The following MCC variants were observed in gnomAD, a reference collection of about 807,000 sequenced individuals.
MCC encodes the protein MCC regulator of Wnt signaling pathway.
In MCC, 90 loss-of-function variants were observed where a neutral mutation model predicts 116.2. The observed-to-expected ratio is 0.77, with a 90% CI of 0.65 to 0.92. The LOEUF (loss-of-function observed/expected upper bound fraction) is 0.92. Among genes scored for constraint, MCC ranks in the 40% least tolerant of loss-of-function variants. The pLI is 0.00. For missense variants in MCC, 1,516 were observed against 1,312.2 expected (o/e 1.16, Z -2.40); for synonymous variants, 578 against 510.5 (o/e 1.13, Z -1.78).
chr5:113,166,232 T>C (rs896505740), intron 3 of MCC, among the ~76,000 whole-genome samples: 3 of 152,178 alleles, frequency 2.0e-5, no homozygotes, highest in African/African-American at 2.4e-5. Flanking sequence ...TTAGGAATGA[T>C]ACATTTCCAA....
intron 3 of MCC, among the ~76,000 whole-genome samples, chr5:113,321,286 CT>C (rs1051266270): frequency 9.2e-5 from 14 of 151,602 alleles, no homozygotes; most frequent in East Asian, 7.7e-4. Flanking sequence ...AATAGGAAAA[CT>C]TTTTTTTTAA....
At chr5:113,411,864 G>A (rs1480258695) in intron 1 of MCC, among the ~76,000 whole-genome samples, 3 of 152,054 alleles carry the variant, frequency 2.0e-5, no homozygotes, top group Admixed American at 6.6e-5. Context: ...TGTCCTGAAT[G>A]GTATTCCCTG....
intron 1 of MCC, among the ~76,000 whole-genome samples, chr5:113,423,887 T>C (rs906777631): frequency 6.6e-6 from 1 of 152,136 alleles, no homozygotes; most frequent in Non-Finnish European, 1.5e-5. Flanking sequence ...AATTGGGGAA[T>C]TCAGGCGAAG....
chr5:113,219,360 G>A (rs1162299589), intron 3 of MCC, among the ~76,000 whole-genome samples: 1 of 152,180 alleles, frequency 6.6e-6, no homozygotes, highest in African/African-American at 2.4e-5. Flanking sequence ...GAACTCCTGT[G>A]AGGACTTCCA....
At chr5:113,156,409 A>C (rs1760172947) in intron 3 of MCC, among the ~76,000 whole-genome samples, 1 of 152,204 alleles carries the variant, frequency 6.6e-6, no homozygotes, top group South Asian at 2.1e-4. Flanking sequence ...GCACTCAACA[A>C]ACGGGTTTGT....
chr5:113,062,857 G>A (rs1753317495), intron 14 of MCC, among the ~76,000 whole-genome samples: 1 of 152,160 alleles, frequency 6.6e-6, no homozygotes, highest in African/African-American at 2.4e-5. Context: ...TCCCACCAGG[G>A]GAGAAAGAGA....
At chr5:113,052,274 T>A (rs1278839016) in intron 15 of MCC, among the ~76,000 whole-genome samples, 1 of 152,148 alleles carries the variant, frequency 6.6e-6, no homozygotes, top group Non-Finnish European at 1.5e-5. Context: ...GCCTCATAGC[T>A]CGTGCCACAG....
chr5:113,036,908 T>C (rs1468966556), intron 17 of MCC, among the ~76,000 whole-genome samples: 1 of 152,242 alleles, frequency 6.6e-6, no homozygotes, highest in African/African-American at 2.4e-5. Context: ...ATTTGCGTGC[T>C]AATGAAGCCA....
Position 113,085,144 on chromosome 5 carries a change from G to A in MCC, c.1545+20C>T. ...AACAGGAGGTGTTCCCGCTCATCGG[G>A]TCCATCCCCAGGAACTCACCTTGGC... On this transcript the variant is annotated intron_variant, in intron 9 of 18. Transcript: ENST00000408903. The A allele has an allele frequency of 1.2e-6, 2 of 1,613,976 alleles. No individual in the cohort carries two copies. Among genetic ancestry groups the A allele is most frequent in the Non-Finnish European group, 8.5e-7 (1 of 1,180,000 alleles).
At chr5:113,237,234 T>A (rs1318869255) in intron 3 of MCC, among the ~76,000 whole-genome samples, 1 of 152,230 alleles carries the variant, frequency 6.6e-6, no homozygotes, top group African/African-American at 2.4e-5. Flanking sequence ...ATAAATATAC[T>A]ACTGAGATCA....
intron 3 of MCC, among the ~76,000 whole-genome samples, chr5:113,338,147 G>T (rs1209211670): frequency 6.6e-6 from 1 of 152,192 alleles, no homozygotes; most frequent in Non-Finnish European, 1.5e-5. Flanking sequence ...TTTTCCATTT[G>T]GTGAGGAAAT....
chr5:113,237,315 T>C (rs951449468), intron 3 of MCC, among the ~76,000 whole-genome samples: 1 of 152,226 alleles, frequency 6.6e-6, no homozygotes, highest in African/African-American at 2.4e-5. Flanking sequence ...TGCTTAAAGC[T>C]AATACCACAA....
intron 14 of MCC, among the ~76,000 whole-genome samples, chr5:113,055,627 T>G (rs1752781902): frequency 6.6e-6 from 1 of 152,148 alleles, no homozygotes; most frequent in Non-Finnish European, 1.5e-5. Flanking sequence ...TCAGGACGGG[T>G]GGGAAGTCCC....
At chr5:113,040,407 A>G (rs528940775) in intron 17 of MCC, among the ~76,000 whole-genome samples, 12 of 152,142 alleles carry the variant, frequency 7.9e-5, no homozygotes, top group African/African-American at 2.9e-4. Context: ...CTCTTCCCTT[A>G]GCGACACCTG....
At chr5:113,064,312 C>T in intron 13 of MCC, 145 bp from the exon 14 acceptor site, 1 of 707,610 alleles carries the variant, frequency 1.4e-6, no homozygotes, top group Non-Finnish European at 2.3e-6. Flanking sequence ...AAGAGAAGAT[C>T]TGTGTTCTGG....
intron 1 of MCC, among the ~76,000 whole-genome samples, chr5:113,414,952 G>C (rs894656535): frequency 3.9e-5 from 6 of 152,178 alleles, no homozygotes; most frequent in African/African-American, 1.4e-4. Context: ...GCTCTTGTAA[G>C]GCAGGCCTGG....
chr5:113,464,146 C>T (rs908549863), intron 1 of MCC, among the ~76,000 whole-genome samples: 2 of 152,128 alleles, frequency 1.3e-5, no homozygotes, highest in African/African-American at 4.8e-5. Flanking sequence ...CATGAAGTGA[C>T]AAATGCCAGA....
chr5:113,092,071 A>C (rs1385265241), intron 8 of MCC, among the ~76,000 whole-genome samples: 2 of 152,174 alleles, frequency 1.3e-5, no homozygotes, highest in Non-Finnish European at 2.9e-5. Context: ...AAAACCTATC[A>C]CCTTAAAATC....
intron 3 of MCC, among the ~76,000 whole-genome samples, chr5:113,192,044 T>C (rs1348671087): frequency 6.6e-6 from 1 of 152,200 alleles, no homozygotes; most frequent in East Asian, 1.9e-4. Context: ...AATATGACCA[T>C]TTTTTGTTTT....
Sources: gnomAD v4.1 joint callset for allele counts (sites outside exome capture counted in the v4.1 genomes callset) on GRCh38, gnomAD v4.1.1 for gene constraint, MANE v1.5 for transcripts, NCBI Gene and HGNC (gene_info 2026-07-23, HGNC 2026-07-21) for gene names.